MRPS22: variants seen among roughly 807,000 people sequenced by gnomAD.
MRPS22 encodes the protein small ribosomal subunit protein mS22.
A neutral mutation model predicts 44.0 loss-of-function variants in MRPS22; 30 were observed. That is an observed-to-expected ratio of 0.68 (90% CI 0.51 to 0.93). MRPS22 has a LOEUF of 0.93. Among genes scored for constraint, MRPS22 ranks in the 40% least tolerant of loss-of-function variants. The probability of loss-of-function intolerance (pLI) is 0.00; values close to 1 mark genes in which losing one functional copy is unlikely to be tolerated. For synonymous variants in MRPS22, 165 were observed against 154.4 expected (o/e 1.07, Z -0.51); for missense variants, 447 against 447.8 (o/e 1.00, Z 0.02).
chr3:139,355,500 C>T (rs1337164905), intron 6 of MRPS22, 182 bp from the exon 7 acceptor site: 4 of 638,400 alleles, frequency 6.3e-6, no homozygotes, highest in Non-Finnish European at 1.1e-5. Context: ...TGGTGTGAGG[C>T]CTAAATTAGT....
At chr3:139,353,485 C>T (rs943356383) in intron 6 of MRPS22, among the ~76,000 whole-genome samples, 1 of 152,206 alleles carries the variant, frequency 6.6e-6, no homozygotes, top group Non-Finnish European at 1.5e-5. Context: ...CCTTGCTGGA[C>T]TCAAGTCTGA....
chr3:139,349,735 G>A (rs969673979), intron 3 of MRPS22, among the ~76,000 whole-genome samples: 2 of 152,188 alleles, frequency 1.3e-5, no homozygotes, highest in African/African-American at 4.8e-5. Context: ...AATCATAAAA[G>A]TGTAGAAGTA....
At position 139,350,239 on chromosome 3, in the gene MRPS22, C is replaced by G; in HGVS notation, c.565C>G (p.Arg189Gly). Reference protein sequence around the residue: ...GTLRKASWEERDRMIQVYFPK... With the variant: ...GTLRKASWEEGDRMIQVYFPK... ...ACTACGCAAAGCCTCTTGGGAAGAA[C>G]GGGACCGAATGATACAAGTTTATTT... Residue 189 changes from arginine (R) to glycine (G), a missense_variant, in exon 4 of 8, where the codon CGG becomes GGG. Transcript: ENST00000680020. 2 of 1,613,984 alleles carry G rather than the reference C, an allele frequency of 1.2e-6. No individual in the cohort carries two copies. The highest frequency in any genetic ancestry group is 1.7e-6 in the Non-Finnish European group (2 of 1,179,960).
rs1941140729 is a variant in MRPS22 at position 139,350,990 on chromosome 3, A to G, written c.662A>G (p.Gln221Arg). The G allele has an allele frequency of 6.2e-7, 1 of 1,613,960 alleles. No homozygotes were observed. The highest frequency in any genetic ancestry group is 8.5e-7 in the Non-Finnish European group (1 of 1,179,918). ...GTGTGGTTTTAGACTATGTATAGCC[A>G]GGACAGGCATGTTGATGTCCTCAAT... The part of the protein sequence containing the change: ...KEENLRTMYS[Q>R]DRHVDVLNLC... Residue 221 changes from glutamine (Q) to arginine (R), a missense_variant, in exon 5 of 8, where the codon CAG becomes CGG. Gln to Arg is a conservative substitution (Grantham distance 43). Transcript: ENST00000680020.
At chr3:139,356,634 GT>G (rs1288571002) in intron 7 of MRPS22, among the ~76,000 whole-genome samples, 1 of 152,160 alleles carries the variant, frequency 6.6e-6, no homozygotes, top group Non-Finnish European at 1.5e-5. Flanking sequence ...AATGGTTTTT[GT>G]TTTGATCTCG....
chr3:139,344,614 G>A (rs1030636854), intron 1 of MRPS22: 3 of 659,378 alleles, frequency 4.5e-6, no homozygotes, highest in African/African-American at 3.6e-5. Context: ...CTGAGATCTG[G>A]TTAGCCATGC....
chr3:139,344,549 G>C, intron 1 of MRPS22: 1 of 613,510 alleles, frequency 1.6e-6, no homozygotes, highest in Non-Finnish European at 2.9e-6. Flanking sequence ...CACAGGAGAG[G>C]CACTCAAACT....
intron 1 of MRPS22, chr3:139,344,636 C>CTCTT: frequency 1.5e-6 from 1 of 679,574 alleles, no homozygotes; most frequent in South Asian, 1.6e-5. Context: ...AAGGAGAAAG[C>CTCTT]AAGAAGCTTC....
At chr3:139,344,613 G>A (rs1284736945) in intron 1 of MRPS22, 5 of 658,282 alleles carry the variant, frequency 7.6e-6, no homozygotes, top group African/African-American at 7.2e-5. Flanking sequence ...GCTGAGATCT[G>A]GTTAGCCATG....
chr3:139,350,887 G>A (rs549354775), intron 4 of MRPS22, 90 bp from the exon 5 acceptor site: 3 of 939,630 alleles, frequency 3.2e-6, no homozygotes, highest in Non-Finnish European at 5.3e-6. Flanking sequence ...AGAGTGGCCA[G>A]TATGTGGGTG....
chr3:139,349,391 A>G (rs768717212), intron 3 of MRPS22: 2 of 429,890 alleles, frequency 4.7e-6, no homozygotes, highest in Admixed American at 2.9e-5. Flanking sequence ...CACCTCTGAA[A>G]ACTTGAGAGT....
At chr3:139,344,826 A>C (rs1200547065) in intron 1 of MRPS22, 2 of 555,296 alleles carry the variant, frequency 3.6e-6, no homozygotes. Flanking sequence ...CATTTACACC[A>C]AGATGAAGAA....
intron 7 of MRPS22, among the ~76,000 whole-genome samples, chr3:139,356,067 T>A (rs1360807525): frequency 6.6e-6 from 1 of 152,104 alleles, no homozygotes; most frequent in Non-Finnish European, 1.5e-5. Flanking sequence ...GCCCCTTTGT[T>A]CTTTGGAGCA....
At chr3:139,356,883 C>G in intron 7 of MRPS22, 36 bp from the exon 8 acceptor site, 1 of 1,442,928 alleles carries the variant, frequency 6.9e-7, no homozygotes, top group Non-Finnish European at 9.7e-7. Context: ...TAGCATATGT[C>G]CTATTGTTTT....
At chr3:139,354,726 G>T (rs1941212077) in intron 6 of MRPS22, among the ~76,000 whole-genome samples, 1 of 152,094 alleles carries the variant, frequency 6.6e-6, no homozygotes, top group South Asian at 2.1e-4. Flanking sequence ...TAAGGGGAAC[G>T]CAGGGAAGGC....
chr3:139,348,980 C>T (rs1331895205), intron 3 of MRPS22: 1 of 182,352 alleles, frequency 5.5e-6, no homozygotes, highest in East Asian at 1.6e-4. Context: ...ATTCAGCCCA[C>T]AGAATACGTT....
chr3:139,350,383 T>C, intron 4 of MRPS22, 61 bp downstream of exon 4: 1 of 1,585,108 alleles, frequency 6.3e-7, no homozygotes, highest in Non-Finnish European at 8.6e-7. Flanking sequence ...GTAGAACCAG[T>C]TGGCTTTGTG....
intron 7 of MRPS22, 60 bp downstream of exon 7, chr3:139,355,850 G>C: frequency 8.1e-7 from 1 of 1,235,674 alleles, no homozygotes. Context: ...GAAAAATTCA[G>C]AATTGGGTCA....
At chr3:139,350,091 A>G (rs1480507242) in intron 3 of MRPS22, 88 bp from the exon 4 acceptor site, 1 of 1,494,698 alleles carries the variant, frequency 6.7e-7, no homozygotes, top group Non-Finnish European at 9.3e-7. Context: ...TGTTGATTGC[A>G]AATTATTCTT....
Sources: gnomAD v4.1 joint callset for allele counts (sites outside exome capture counted in the v4.1 genomes callset) on GRCh38, gnomAD v4.1.1 for gene constraint, MANE v1.5 for transcripts, NCBI Gene and HGNC (gene_info 2026-07-23, HGNC 2026-07-21) for gene names.